The following CACNA2D1 variants were observed in gnomAD, a reference collection of about 807,000 sequenced individuals.
The protein encoded by CACNA2D1 is voltage-dependent calcium channel subunit alpha-2/delta-1.
A neutral mutation model predicts 171.5 loss-of-function variants in CACNA2D1; 53 were observed. The observed-to-expected ratio is 0.31, with a 90% confidence interval of 0.25 to 0.39. The LOEUF (loss-of-function observed/expected upper bound fraction) is 0.39. Ranked by LOEUF, CACNA2D1 falls within the 10% of genes least tolerant of loss-of-function variation. The pLI, the probability that CACNA2D1 is intolerant of heterozygous loss-of-function variation, is 1.00. For synonymous variants in CACNA2D1, 442 were observed against 443.1 expected (o/e 1.00, Z 0.03); for missense variants, 903 against 1,299.8 (o/e 0.69, Z 4.69).
At chr7:82,198,959 A>G (rs1470463946) in intron 3 of CACNA2D1, among the ~76,000 whole-genome samples, 1 of 151,878 alleles carries the variant, frequency 6.6e-6, no homozygotes, top group Non-Finnish European at 1.5e-5. Context: ...GTGTATTCTC[A>G]TTTTCTCACA....
intron 12 of CACNA2D1, among the ~76,000 whole-genome samples, chr7:82,024,998 A>T (rs1801700524): frequency 6.6e-6 from 1 of 151,640 alleles, no homozygotes; most frequent in East Asian, 1.9e-4. Context: ...CCAAAGGTCT[A>T]AATGTCTGTC....
intron 9 of CACNA2D1, among the ~76,000 whole-genome samples, chr7:82,063,332 T>C (rs2128979837): frequency 6.6e-6 from 1 of 152,264 alleles, no homozygotes; most frequent in East Asian, 1.9e-4. Flanking sequence ...TAAAGTAACA[T>C]GAGGCTTAAA....
intron 5 of CACNA2D1, among the ~76,000 whole-genome samples, chr7:82,120,381 T>C (rs1053267460): frequency 2.0e-5 from 3 of 152,236 alleles, no homozygotes; most frequent in African/African-American, 7.2e-5. Flanking sequence ...CAGATATTAC[T>C]GATTTTAGAA....
chr7:82,118,540 G>A (rs370707583), intron 5 of CACNA2D1, among the ~76,000 whole-genome samples: 16 of 151,950 alleles, frequency 1.1e-4, no homozygotes, highest in African/African-American at 3.9e-4. Flanking sequence ...TGTGCTTTCT[G>A]GTTTTTCCAA....
At chr7:81,994,805 T>A (rs1797878471) in intron 20 of CACNA2D1, 63 bp downstream of exon 20, 11 of 823,562 alleles carry the variant, frequency 1.3e-5, no homozygotes, top group Non-Finnish European at 1.9e-5. Context: ...AAAGGACAAG[T>A]TACCAATATC....
rs1364028180 is a variant in CACNA2D1 at position 81,948,093 on chromosome 7, A to G, written c.*2299T>C. ...AAAATATATTTAATAGATTTTGAAC[A>G]TAATTTTAAGGTAGTTTGTTGTATG... On this transcript the variant is annotated 3_prime_UTR_variant, in exon 39 of 39. Transcript: ENST00000356860. The G allele has an allele frequency of 6.6e-6, 1 of 151,930 alleles. No individual in the cohort carries two copies. The highest frequency in any genetic ancestry group is 1.5e-5 in the Non-Finnish European group (1 of 67,834). 9.4% of individuals were successfully genotyped at this position (151,930 alleles called of 1,614,324 possible). A position where few individuals can be genotyped will look rare whatever the true frequency, so the allele number is the denominator to read the frequency against.
At chr7:82,353,671 G>A (rs964422248) in intron 1 of CACNA2D1, among the ~76,000 whole-genome samples, 2 of 151,998 alleles carry the variant, frequency 1.3e-5, no homozygotes, top group African/African-American at 4.8e-5. Flanking sequence ...CCAAAGAAGG[G>A]AGAAGTTTCC....
chr7:81,965,705 G>T (rs779525985), intron 31 of CACNA2D1, 40 bp from the exon 32 acceptor site: 3 of 1,230,394 alleles, frequency 2.4e-6, no homozygotes, highest in African/African-American at 3.0e-5. Flanking sequence ...TTTTTAGAAA[G>T]GTTAGGAGGC....
chr7:82,348,209 C>T (rs1819458772), intron 2 of CACNA2D1, among the ~76,000 whole-genome samples: 1 of 151,778 alleles, frequency 6.6e-6, no homozygotes, highest in Non-Finnish European at 1.5e-5. Context: ...TGAAAATTAA[C>T]AAAGAAGATT....
rs965039839 is a variant in CACNA2D1, at chr7:82,032,679, A to G, written c.1143+118T>C. The G allele has an allele frequency of 4.4e-5, 27 of 608,924 alleles. No individual in the cohort carries two copies. In the African/African-American group the frequency reaches 4.6e-4, roughly 10 times the overall value. 37.7% of individuals were successfully genotyped at this position (608,924 alleles called of 1,614,324 possible). The stretch of plus-strand genomic sequence containing the variant: ...TATAATCTATGATTCATATGGCTTT[A>G]TAATTGGCACAATCAGGTTTTAAAT... On this transcript the variant is annotated intron_variant, in intron 12 of 38. Transcript: ENST00000356860.
chr7:82,296,279 AT>A (rs1812280444), intron 3 of CACNA2D1, among the ~76,000 whole-genome samples: 3 of 149,500 alleles, frequency 2.0e-5, no homozygotes, highest in African/African-American at 7.7e-5. Flanking sequence ...AAAAAAAAAC[AT>A]GTAGATTCTG....
chr7:82,363,175 T>A (rs1274488073), intron 1 of CACNA2D1, among the ~76,000 whole-genome samples: 1 of 150,000 alleles, frequency 6.7e-6, no homozygotes, highest in East Asian at 2.0e-4. Context: ...AAAGAACACA[T>A]AAAATAGTCT....
chr7:82,273,780 T>G (rs935538252), intron 3 of CACNA2D1, among the ~76,000 whole-genome samples: 2 of 152,210 alleles, frequency 1.3e-5, no homozygotes, highest in African/African-American at 4.8e-5. Flanking sequence ...GCAGATGTAT[T>G]TGCGCCTGCA....
intron 15 of CACNA2D1, among the ~76,000 whole-genome samples, chr7:82,008,839 G>T (rs1799421924): frequency 6.6e-6 from 1 of 152,058 alleles, no homozygotes; most frequent in Non-Finnish European, 1.5e-5. Context: ...GTTCATAATT[G>T]TGCACATAGG....
At chr7:82,097,176 A>G (rs756898209) in intron 6 of CACNA2D1, among the ~76,000 whole-genome samples, 19 of 152,188 alleles carry the variant, frequency 1.2e-4, no homozygotes, top group Non-Finnish European at 2.4e-4. Context: ...CTGGGAGTTG[A>G]ACATTGTTCA....
chr7:82,100,508 A>C (rs1812547207), intron 6 of CACNA2D1, among the ~76,000 whole-genome samples: 1 of 152,152 alleles, frequency 6.6e-6, no homozygotes, highest in African/African-American at 2.4e-5. Context: ...TCCATTTCTA[A>C]ACAACTTCCT....
At chr7:82,247,985 A>C (rs1197256328) in intron 3 of CACNA2D1, among the ~76,000 whole-genome samples, 1 of 152,176 alleles carries the variant, frequency 6.6e-6, no homozygotes, top group Non-Finnish European at 1.5e-5. Context: ...GCCAGGACTA[A>C]GCAATAGGCA....
chr7:82,348,377 T>G (rs1414989440), intron 2 of CACNA2D1, among the ~76,000 whole-genome samples: 1 of 152,170 alleles, frequency 6.6e-6, no homozygotes, highest in Non-Finnish European at 1.5e-5. Flanking sequence ...ATCGAGATTT[T>G]TTTTTTATCA....
intron 21 of CACNA2D1, among the ~76,000 whole-genome samples, chr7:81,987,071 G>A (rs1797047351): frequency 6.6e-6 from 1 of 152,130 alleles, no homozygotes. Context: ...AAACCCATGA[G>A]GAAGAAAAGA....
Sources: allele counts gnomAD v4.1 joint callset (sites outside exome capture counted in the v4.1 genomes callset), GRCh38; gene constraint gnomAD v4.1.1; transcripts MANE v1.5; gene names NCBI Gene and HGNC (gene_info 2026-07-23, HGNC 2026-07-21).